Variants in NUP155 observed in about 807,000 individuals in gnomAD.
The protein encoded by NUP155 is nucleoporin 155.
A neutral mutation model predicts 180.4 loss-of-function variants in NUP155; 71 were observed. The ratio of observed to expected loss-of-function variants is 0.39; its 90% CI spans 0.33 to 0.48. The LOEUF (loss-of-function observed/expected upper bound fraction) is 0.48. Ranked by LOEUF, NUP155 falls within the 20% of genes least tolerant of loss-of-function variation. The pLI, the probability that NUP155 is intolerant of heterozygous loss-of-function variation, is 0.91. For synonymous variants in NUP155, 582 were observed against 559.5 expected, an observed-to-expected ratio of 1.04 and a Z score of -0.57; for missense variants, 1,553 against 1,648.9, an observed-to-expected ratio of 0.94 and a Z score of 1.01.
chr5:37,359,723 C>A (rs530977935), intron 3 of NUP155, among the ~76,000 whole-genome samples: 2 of 152,098 alleles, frequency 1.3e-5, no homozygotes, highest in South Asian at 2.1e-4. Flanking sequence ...AGAAAAAAAA[C>A]CCCAGTGTCA....
At chr5:37,349,279 A>C in intron 7 of NUP155, 34 bp from the exon 8 acceptor site, 1 of 698,366 alleles carries the variant, frequency 1.4e-6, no homozygotes. Context: ...AAGAGAAAAA[A>C]GTAAACCCAA....
At chr5:37,361,392 A>C (rs1224452867) in intron 3 of NUP155, among the ~76,000 whole-genome samples, 1 of 152,172 alleles carries the variant, frequency 6.6e-6, no homozygotes, top group East Asian at 1.9e-4. Context: ...TAAGAAGCTC[A>C]GAGAACAAGA....
Position 37,305,101 on chromosome 5 carries a change from A to G in NUP155, c.3013T>C (p.Ser1005Pro). The change falls in exon 26 of 35, where the codon TCA becomes CCA. Residue 1005 changes from serine (S) to proline (P), a missense_variant. Coordinates refer to ENST00000231498, the MANE Select transcript of NUP155 (RefSeq NM_153485.3). ...VPKKPGPPVLSSDPNMLSNEE... is the reference protein window; with the variant it reads ...VPKKPGPPVLPSDPNMLSNEE... ...TTACTCAGCATATTTGGATCAGATG[A>G]CAACACTGGAGGACCAGGTTTTTTG... The G allele has an allele frequency of 6.2e-7, 1 of 1,613,982 alleles. No individual in the cohort carries two copies.
At position 37,310,715 on chromosome 5, in the gene NUP155, G is replaced by C; in HGVS notation, c.2465C>G (p.Thr822Ser). 1.9e-6 allele frequency: 3 copies of C among 1,613,680 alleles called. No individual in the cohort carries two copies. Among genetic ancestry groups the C allele is most frequent in the Non-Finnish European group, 2.5e-6 (3 of 1,179,788 alleles). Residue 822 changes from threonine to serine, a missense_variant, in exon 23 of 35, where the codon ACC becomes AGC. Thr to Ser is a moderately conservative substitution (Grantham distance 58, BLOSUM62 1). Coordinates refer to ENST00000231498, the MANE Select transcript of NUP155 (RefSeq NM_153485.3). ...KELQEQLKIT[T>S]FKDLVIRDKE... ...GTCCCTGATTACAAGATCTTTAAAG[G>C]TGGTGATCTTCAGCTGCTCTTGAAG...
At position 37,330,018 on chromosome 5, in the gene NUP155, C is replaced by A; in HGVS notation, c.1724+20G>T. The A allele has an allele frequency of 6.4e-7, 1 of 1,556,524 alleles. No homozygotes were observed. The highest frequency in any genetic ancestry group is 8.9e-7 in the Non-Finnish European group (1 of 1,129,280). On this transcript the variant is annotated intron_variant, in intron 15 of 34. Coordinates refer to ENST00000231498, the MANE Select transcript of NUP155 (RefSeq NM_153485.3). ...CCCAGTAAAAAAACAAATAAATAAA[C>A]AAGAAAAACTTTCACATACCTAAAG...
At chr5:37,359,220 TAAAC>T (rs1454327977) in intron 3 of NUP155, among the ~76,000 whole-genome samples, 2 of 150,702 alleles carry the variant, frequency 1.3e-5, no homozygotes, top group South Asian at 2.1e-4. Flanking sequence ...AATGAAAAAA[TAAAC>T]AAGCAAAGAA....
At chr5:37,347,001 G>A (rs1408455175) in intron 9 of NUP155, among the ~76,000 whole-genome samples, 2 of 152,140 alleles carry the variant, frequency 1.3e-5, no homozygotes, top group African/African-American at 4.8e-5. Context: ...GCCAGAGCGG[G>A]TGTATTGCTT....
At chr5:37,358,045 C>A in intron 4 of NUP155, 36 bp downstream of exon 4, 1 of 1,442,556 alleles carries the variant, frequency 6.9e-7, no homozygotes, top group South Asian at 1.1e-5. Flanking sequence ...TTTACATATA[C>A]AAACATAATC....
chr5:37,355,193 T>G (rs1746734369), intron 4 of NUP155, among the ~76,000 whole-genome samples: 1 of 152,128 alleles, frequency 6.6e-6, no homozygotes, highest in Admixed American at 6.6e-5. Context: ...AAAGTAATTT[T>G]TGTCTATTAT....
chr5:37,326,472 C>T (rs1744606517), intron 18 of NUP155, among the ~76,000 whole-genome samples: 1 of 152,122 alleles, frequency 6.6e-6, no homozygotes, highest in Non-Finnish European at 1.5e-5. Flanking sequence ...CCTGTGACTT[C>T]CCTCTGGCCA....
intron 21 of NUP155, among the ~76,000 whole-genome samples, chr5:37,317,083 G>T (rs1455386205): frequency 6.6e-6 from 1 of 151,512 alleles, no homozygotes; most frequent in East Asian, 2.0e-4. Flanking sequence ...GCAGGAGAAT[G>T]GAGTGAACCC....
chr5:37,370,581 CCT>C, intron 1 of NUP155: 1 of 1,248,646 alleles, frequency 8.0e-7, no homozygotes, highest in Non-Finnish European at 1.1e-6. Context: ...GAGGTCTTTG[CCT>C]CTTTCTGCTT....
intron 9 of NUP155, among the ~76,000 whole-genome samples, chr5:37,345,510 C>CA (rs570982659): frequency 0.25 from 16,447 of 66,844 alleles, 1,675 homozygotes; most frequent in African/African-American, 0.29. Flanking sequence ...GACTCCATTT[C>CA]AAAAAAAAAA....
chr5:37,302,525 C>T (rs1042204712), intron 29 of NUP155, among the ~76,000 whole-genome samples: 2 of 152,204 alleles, frequency 1.3e-5, no homozygotes, highest in African/African-American at 4.8e-5. Flanking sequence ...TGAGCCACTG[C>T]ACCCAGCTGG....
chr5:37,313,229 G>A (rs1462008764), intron 22 of NUP155, among the ~76,000 whole-genome samples: 3 of 151,744 alleles, frequency 2.0e-5, no homozygotes, highest in Admixed American at 1.3e-4. Flanking sequence ...TCAGGAGTTC[G>A]AGATCACCCT....
chr5:37,309,158 AG>A lies in NUP155; in HGVS notation c.2737del (p.Leu913PhefsTer11). 1 of 1,613,656 alleles carries A rather than the reference AG, an allele frequency of 6.2e-7. No homozygotes were observed. The highest frequency in any genetic ancestry group is 2.2e-5 in the East Asian group (1 of 44,858). On this transcript the variant is annotated frameshift_variant, in exon 24 of 35. Coordinates refer to ENST00000231498, the MANE Select transcript of NUP155 (RefSeq NM_153485.3). LOFTEE classifies it high-confidence loss of function. Reference protein sequence around the residue: ...EYQKISNQVDLSNVCAQYRQV... With the variant: ...EYQKISNQVDXSNVCAQYRQV... The stretch of plus-strand genomic sequence containing the variant: ...TCTATACTGAGCACAAACATTGGAA[AG>A]GTCCACTTGATTGCTAATTTTTTGA...
chr5:37,312,470 G>C (rs1743590031), intron 22 of NUP155, among the ~76,000 whole-genome samples: 1 of 151,940 alleles, frequency 6.6e-6, no homozygotes, highest in Non-Finnish European at 1.5e-5. Context: ...GAAAAAGAAG[G>C]AAAGACTGCT....
chr5:37,368,442 A>C (rs965789436), intron 1 of NUP155, among the ~76,000 whole-genome samples: 1 of 151,810 alleles, frequency 6.6e-6, no homozygotes, highest in South Asian at 2.1e-4. Context: ...CATATTGCCA[A>C]GACTGGTCTC....
intron 32 of NUP155, among the ~76,000 whole-genome samples, chr5:37,296,786 T>C (rs969557431): frequency 1.3e-5 from 2 of 152,178 alleles, no homozygotes; most frequent in African/African-American, 4.8e-5. Context: ...ATTAAATGTG[T>C]TTTTTAATGC....
Sources: allele counts gnomAD v4.1 joint callset (sites outside exome capture counted in the v4.1 genomes callset), GRCh38; gene constraint gnomAD v4.1.1; transcripts MANE v1.5; gene names NCBI Gene and HGNC (gene_info 2026-07-23, HGNC 2026-07-21).